Variants in DLGAP1 observed in about 807,000 individuals in gnomAD.
The protein encoded by DLGAP1 is disks large-associated protein 1.
Under a neutral mutation model 90.8 loss-of-function variants are expected in DLGAP1, and 11 were observed. That is an observed-to-expected ratio of 0.12 (90% CI 0.08 to 0.20). DLGAP1 has a LOEUF of 0.20. Ranked by LOEUF, DLGAP1 falls within the 10% of genes least tolerant of loss-of-function variation. The pLI is 1.00. For missense variants in DLGAP1, 1,050 were observed against 1,333.8 expected, an observed-to-expected ratio of 0.79 and a Z score of 3.31; for synonymous variants, 558 against 540.7, an observed-to-expected ratio of 1.03 and a Z score of -0.44.
At chr18:4,346,818 CTAAA>C (rs1257293313) in intron 1 of DLGAP1, among the ~76,000 whole-genome samples, 2 of 151,814 alleles carry the variant, frequency 1.3e-5, no homozygotes, top group East Asian at 1.9e-4. Context: ...ACATTTCTAG[CTAAA>C]TAAATAATTG....
intron 2 of DLGAP1, among the ~76,000 whole-genome samples, chr18:4,015,844 T>C (rs1389786000): frequency 1.9e-4 from 29 of 152,230 alleles, no homozygotes; most frequent in Admixed American, 1.9e-3. Context: ...TTTTTATTTA[T>C]ATCTCTATCC....
intron 3 of DLGAP1, among the ~76,000 whole-genome samples, chr18:3,881,050 C>T (rs1290962593): frequency 6.6e-6 from 1 of 151,356 alleles, no homozygotes; most frequent in Non-Finnish European, 1.5e-5. Context: ...AACTCTCCTT[C>T]CCTCTATGAC....
chr18:3,576,152 G>A (rs1208913090), intron 8 of DLGAP1, among the ~76,000 whole-genome samples: 3 of 152,056 alleles, frequency 2.0e-5, no homozygotes, highest in African/African-American at 7.2e-5. Flanking sequence ...GTTTCCAGCT[G>A]TGTTCTAACA....
intron 12 of DLGAP1, among the ~76,000 whole-genome samples, chr18:3,501,851 A>C (rs1419573766): frequency 6.6e-6 from 1 of 151,938 alleles, no homozygotes; most frequent in Non-Finnish European, 1.5e-5. Flanking sequence ...TTGATTAATT[A>C]AAGTAAAAGA....
At chr18:4,044,323 A>C (rs542512042) in intron 2 of DLGAP1, among the ~76,000 whole-genome samples, 1 of 152,324 alleles carries the variant, frequency 6.6e-6, no homozygotes, top group African/African-American at 2.4e-5. Flanking sequence ...GTAACTTCCA[A>C]CAGTAAAAAG....
intron 4 of DLGAP1, among the ~76,000 whole-genome samples, chr18:3,870,652 C>CT (rs199688611): frequency 1.3e-5 from 2 of 150,984 alleles, no homozygotes; most frequent in Admixed American, 6.6e-5. Flanking sequence ...ATCTATCTAT[C>CT]AAATAAAGTT....
chr18:3,544,617 C>T (rs12956889), intron 9 of DLGAP1, among the ~76,000 whole-genome samples: 63,961 of 151,734 alleles, frequency 0.42, 15,824 homozygotes, highest in African/African-American at 0.69. Context: ...GTACTTTTTC[C>T]TGAACCCTTG....
intron 3 of DLGAP1, among the ~76,000 whole-genome samples, chr18:3,964,460 T>G (rs764602314): frequency 6.6e-6 from 1 of 152,148 alleles, no homozygotes; most frequent in Non-Finnish European, 1.5e-5. Context: ...GTGTTTGAGA[T>G]GTTCCTGGAC....
At chr18:3,598,499 G>T (rs1434232806) in intron 7 of DLGAP1, 2 of 143,568 alleles carry the variant, frequency 1.4e-5, no homozygotes, top group African/African-American at 5.2e-5. Context: ...CCAGAGTCTG[G>T]CTCTGTCACC....
At chr18:3,562,127 T>C (rs1202671638) in intron 9 of DLGAP1, among the ~76,000 whole-genome samples, 1 of 152,062 alleles carries the variant, frequency 6.6e-6, no homozygotes, top group Non-Finnish European at 1.5e-5. Context: ...CTCAGGAGAC[T>C]GAGGCAGGAG....
intron 7 of DLGAP1, among the ~76,000 whole-genome samples, chr18:3,648,759 C>T (rs2059202932): frequency 6.6e-6 from 1 of 151,996 alleles, no homozygotes; most frequent in South Asian, 2.1e-4. Context: ...ATAACAAAAA[C>T]AAATACACAG....
chr18:4,152,301 T>C (rs2076687785), intron 1 of DLGAP1, among the ~76,000 whole-genome samples: 1 of 152,350 alleles, frequency 6.6e-6, no homozygotes, highest in African/African-American at 2.4e-5. Context: ...AGAAATGTAG[T>C]GATATTCAGA....
chr18:4,409,262 T>C (rs564693606), intron 1 of DLGAP1, among the ~76,000 whole-genome samples: 2 of 152,224 alleles, frequency 1.3e-5, no homozygotes, highest in Non-Finnish European at 2.9e-5. Flanking sequence ...TACATGTGAC[T>C]ACAGTTAATT....
chr18:3,889,297 T>G (rs1328868784), intron 3 of DLGAP1, among the ~76,000 whole-genome samples: 1 of 152,166 alleles, frequency 6.6e-6, no homozygotes, highest in Non-Finnish European at 1.5e-5. Flanking sequence ...GGAAATAGCC[T>G]CTGATGAAAC....
chr18:4,282,635 A>G (rs1387154075), intron 1 of DLGAP1, among the ~76,000 whole-genome samples: 2 of 152,242 alleles, frequency 1.3e-5, no homozygotes, highest in East Asian at 3.8e-4. Context: ...ATCTGAAAAG[A>G]AGAGTTTGCC....
intron 4 of DLGAP1, among the ~76,000 whole-genome samples, chr18:3,863,907 G>C (rs1247835412): frequency 1.3e-5 from 2 of 152,236 alleles, no homozygotes; most frequent in Admixed American, 6.5e-5. Context: ...CTCCAGGCTA[G>C]ACCATATCTT....
intron 1 of DLGAP1, among the ~76,000 whole-genome samples, chr18:4,204,614 T>C (rs7239719): frequency 0.15 from 22,348 of 152,100 alleles, 2,485 homozygotes; most frequent in African/African-American, 0.31. Flanking sequence ...CAAAGTGTTT[T>C]ATTCTTGCTT....
chr18:4,074,640 T>C (rs1483480481), intron 2 of DLGAP1, among the ~76,000 whole-genome samples: 1 of 150,430 alleles, frequency 6.6e-6, no homozygotes, highest in African/African-American at 2.4e-5. Flanking sequence ...TTTTTGTTGC[T>C]GTTTTTGTTG....
chr18:3,988,391 C>T (rs568714102), intron 3 of DLGAP1, among the ~76,000 whole-genome samples: 2 of 152,208 alleles, frequency 1.3e-5, no homozygotes, highest in East Asian at 1.9e-4. Context: ...CGTCTGTAAG[C>T]GATTGACTTA....
Sources: allele counts gnomAD v4.1 joint callset (sites outside exome capture counted in the v4.1 genomes callset), GRCh38; gene constraint gnomAD v4.1.1; transcripts MANE v1.5; gene names NCBI Gene and HGNC (gene_info 2026-07-23, HGNC 2026-07-21).